Variants in ASH1L observed in about 807,000 individuals in gnomAD.
ASH1L encodes the protein histone-lysine N-methyltransferase ASH1L.
Under a neutral mutation model 269.0 loss-of-function variants are expected in ASH1L, and 23 were observed. The ratio of observed to expected loss-of-function variants is 0.09; its 90% CI spans 0.06 to 0.12. ASH1L has a LOEUF of 0.12. ASH1L is among the 10% of genes least tolerant of loss of function. The probability of loss-of-function intolerance (pLI) is 1.00; values close to 1 mark genes in which losing one functional copy is unlikely to be tolerated. For synonymous variants in ASH1L, 1,187 were observed against 1,253.5 expected (o/e 0.95, Z 1.12); for missense variants, 2,912 against 3,567.8 (o/e 0.82, Z 4.68).
chr1:155,543,691 G>T (rs1415378176), intron 1 of ASH1L, among the ~76,000 whole-genome samples: 2 of 151,924 alleles, frequency 1.3e-5, no homozygotes, highest in African/African-American at 4.8e-5. Flanking sequence ...CAGCACTCTG[G>T]GAGGCTGAGG....
chr1:155,438,329 T>C lies in ASH1L; in HGVS notation c.5826A>G (p.Lys1942=). 1 of 1,545,156 alleles carries C rather than the reference T, an allele frequency of 6.5e-7. No homozygotes were observed. The highest frequency in any genetic ancestry group is 8.7e-7 in the Non-Finnish European group (1 of 1,151,090). ...LPEEEEQENN[K]SFNEAPVEIP... ...TAATATGTTAAATGAGGAATTACCT[T>C]TTATTATTCTCTTGCTCTTCTTCCT... The change falls in exon 5 of 28, where the codon AAA becomes AAG. Residue 1942 remains lysine, a splice_region_variant and synonymous_variant. Transcript: ENST00000392403.
intron 7 of ASH1L, among the ~76,000 whole-genome samples, chr1:155,381,496 GC>G (rs1656939412): frequency 6.7e-6 from 1 of 149,508 alleles, no homozygotes; most frequent in African/African-American, 2.5e-5. Flanking sequence ...GTTGCAGTGA[GC>G]CAAGATTGCA....
intron 1 of ASH1L, among the ~76,000 whole-genome samples, chr1:155,552,358 C>A (rs1571144377): frequency 6.6e-6 from 1 of 151,838 alleles, no homozygotes; most frequent in Non-Finnish European, 1.5e-5. Flanking sequence ...TCCAGCTACT[C>A]GGGAGGCTGA....
At position 155,480,094 on chromosome 1, in the gene ASH1L, T is replaced by C. The variant is rs1665848484; in HGVS notation, c.2776A>G (p.Ser926Gly). ...TCACTGCTACTTCTATGGTTGTCAC[T>C]TTCAGATTCTAGCTTGCTTGGACTT... Reference protein sequence around the residue: ...TESPSKLESESDNHRSSSDFF... With the variant: ...TESPSKLESEGDNHRSSSDFF... The change falls in exon 3 of 28, where the codon AGT (serine) becomes GGT (glycine). Residue 926 changes from serine (S) to glycine (G), a missense_variant. By Grantham distance (56) the Ser-to-Gly change is moderately conservative. Around this residue, in one of 13 missense-constraint regions of ASH1L, gnomAD observed 715 missense variants for 721.0 expected, o/e 0.99. Transcript: ENST00000392403. 2 of 1,614,050 alleles carry C rather than the reference T, an allele frequency of 1.2e-6. No homozygotes were observed. The highest frequency in any genetic ancestry group is 1.7e-6 in the Non-Finnish European group (2 of 1,180,034).
intron 7 of ASH1L, among the ~76,000 whole-genome samples, chr1:155,385,774 G>T (rs1347890267): frequency 6.6e-6 from 1 of 152,194 alleles, no homozygotes; most frequent in Non-Finnish European, 1.5e-5. Flanking sequence ...AAGGGATAAA[G>T]CTGCCTCATT....
At position 155,338,339 on chromosome 1, in the gene ASH1L, C is replaced by G. The variant is rs752116216; in HGVS notation, c.8553G>C (p.Gln2851His). Reference protein sequence around the residue: ...RSKPPLKDLGQEDDALPLIEE... With the variant: ...RSKPPLKDLGHEDDALPLIEE... ...CAATCAAGGGTAGAGCATCATCCTC[C>G]TGGCCCAAGTCTTTTAGGGGTGGCT... Residue 2851 changes from glutamine (Q) to histidine (H), a missense_variant, in exon 27 of 28, where the codon CAG (glutamine) becomes CAC (histidine). This residue lies in a region of ASH1L where 154 missense variants were observed against 165.0 expected (regional missense o/e 0.93). Coordinates refer to ENST00000392403, the MANE Select transcript of ASH1L (RefSeq NM_018489.3). 1.2e-6 allele frequency: 2 copies of G among 1,614,108 alleles called. No homozygotes were observed. Among genetic ancestry groups the G allele is most frequent in the Non-Finnish European group, 1.7e-6 (2 of 1,180,026 alleles).
At chr1:155,397,700 A>C (rs1279908727) in intron 6 of ASH1L, among the ~76,000 whole-genome samples, 1 of 152,000 alleles carries the variant, frequency 6.6e-6, no homozygotes, top group Non-Finnish European at 1.5e-5. Context: ...ACAGATGCCA[A>C]CTACTGGGAT....
chr1:155,360,533 T>G, intron 12 of ASH1L, 124 bp from the exon 13 acceptor site: 1 of 593,488 alleles, frequency 1.7e-6, no homozygotes, highest in Non-Finnish European at 3.0e-6. Context: ...AACCTCCGCT[T>G]CCCGGATTCA....
intron 20 of ASH1L, among the ~76,000 whole-genome samples, chr1:155,347,301 AG>A (rs1653437337): frequency 1.3e-5 from 2 of 151,996 alleles, no homozygotes; most frequent in South Asian, 4.2e-4. Context: ...CAGCTACTCG[AG>A]AGGCTGAGGT....
At chr1:155,556,428 GTGTGT>G (rs1225445038) in intron 1 of ASH1L, among the ~76,000 whole-genome samples, 1 of 151,516 alleles carries the variant, frequency 6.6e-6, no homozygotes, top group East Asian at 1.9e-4. Flanking sequence ...GTGTGTGTGT[GTGTGT>G]GTGTGTATGT....
chr1:155,451,723 AAAAAG>A (rs869276756), intron 4 of ASH1L, among the ~76,000 whole-genome samples: 19 of 152,008 alleles, frequency 1.2e-4, no homozygotes, highest in South Asian at 4.2e-4. Flanking sequence ...TCTGAAAAAA[AAAAAG>A]AAAAGAAAAG....
In ASH1L at chr1:155,479,688, C is replaced by T. The variant is rs1665817304; in HGVS notation, c.3182G>A (p.Gly1061Asp). 1 of 1,614,078 alleles carries T rather than the reference C, an allele frequency of 6.2e-7. No individual in the cohort carries two copies. The highest frequency in any genetic ancestry group is 1.7e-5 in the Admixed American group (1 of 60,004). ...GCTAGTAGGACTACCAGAAAGAATA[C>T]CATTTAAGACAGTTTTTGGTTTGCG... is the stretch of plus-strand genomic sequence containing the variant. ...RGRKPKTVLN[G>D]ILSGSPTSLA... The change falls in exon 3 of 28, where the codon GGT (glycine) becomes GAT (aspartate). Residue 1061 changes from glycine to aspartate, a missense_variant. Around this residue, in one of 13 missense-constraint regions of ASH1L, gnomAD observed 13 missense variants for 38.5 expected, o/e 0.34. Coordinates refer to ENST00000392403, the MANE Select transcript of ASH1L (RefSeq NM_018489.3).
In ASH1L at chr1:155,498,930, A is replaced by G. The variant is rs1273885222; in HGVS notation, c.421-16481T>C. Among the ~76,000 whole-genome samples, 4 of 152,004 alleles carry G rather than the reference A, an allele frequency of 2.6e-5. No individual in the cohort carries two copies. In the East Asian group the frequency reaches 5.8e-4, roughly 22 times the overall value. On this transcript the variant is annotated intron_variant, in intron 2 of 27. Coordinates refer to ENST00000392403, the MANE Select transcript of ASH1L (RefSeq NM_018489.3). The stretch of plus-strand genomic sequence containing the variant: ...TGAGAACAGGAGTAAAAAAAAAAAA[A>G]AAAAGCCAAAAAGAAATATTAAAGA...
At position 155,338,134 on chromosome 1, in the gene ASH1L, T is replaced by C. The variant is rs1652469418; in HGVS notation, c.8758A>G (p.Asn2920Asp). ...TCAAGGAGATTGAGCAAGATCTGGT[T>C]GAGTCGTTCCCGTTGGTTATGCCGT... ...ERRHNQRERL[N>D]QILLNLLEKI... is the part of the protein sequence containing the mutation. Residue 2920 changes from asparagine (N) to aspartate (D), a missense_variant, in exon 27 of 28, where the codon AAC becomes GAC. This residue lies in a region of ASH1L where 154 missense variants were observed against 165.0 expected (regional missense o/e 0.93). Transcript: ENST00000392403. 4 of 1,614,200 alleles carry C rather than the reference T, an allele frequency of 2.5e-6. No individual in the cohort carries two copies. The highest frequency in any genetic ancestry group is 3.4e-6 in the Non-Finnish European group (4 of 1,180,036).
chr1:155,336,126 C>G lies in ASH1L; in HGVS notation c.*1534G>C, dbSNP rs1374644521. ...CAAGGGGATCATTGGCATCCCCTCT[C>G]TCTTTTGTTTTTTCCTCAAGAATGA... On this transcript the variant is annotated 3_prime_UTR_variant, in exon 28 of 28. Coordinates refer to ENST00000392403, the MANE Select transcript of ASH1L (RefSeq NM_018489.3). 1 of 152,424 alleles carries G rather than the reference C, an allele frequency of 6.6e-6. No individual in the cohort carries two copies. Among genetic ancestry groups the G allele is most frequent in the African/African-American group, 2.4e-5 (1 of 41,316 alleles). The allele number at this position is 152,424 out of a possible 1,614,324, so 9.4% of individuals were successfully genotyped here.
intron 1 of ASH1L, among the ~76,000 whole-genome samples, chr1:155,528,724 T>C (rs1669442560): frequency 6.6e-6 from 1 of 152,182 alleles, no homozygotes; most frequent in Admixed American, 6.5e-5. Context: ...TTAACTTTTA[T>C]TCTAAGTTCA....
intron 3 of ASH1L, among the ~76,000 whole-genome samples, chr1:155,460,770 T>C (rs1249138691): frequency 6.6e-6 from 1 of 152,214 alleles, no homozygotes; most frequent in Non-Finnish European, 1.5e-5. Flanking sequence ...GCTGTACACT[T>C]AAGGATCCTT....
In ASH1L at chr1:155,562,760, C is replaced by T. The variant is rs1288383473; in HGVS notation, c.-707G>A. ...TCAGGCCCTGTCAAGCCGGCGCCGG[C>T]GCAGGCCCTCACGCGTACCTTCAAC... On this transcript the variant is annotated 5_prime_UTR_variant, in exon 1 of 28. Coordinates refer to ENST00000392403, the MANE Select transcript of ASH1L (RefSeq NM_018489.3). The T allele has an allele frequency of 9.6e-7, 1 of 1,039,744 alleles. No individual in the cohort carries two copies. Among genetic ancestry groups the T allele is most frequent in the Non-Finnish European group, 1.4e-6 (1 of 705,122 alleles). 64.4% of individuals were successfully genotyped at this position (1,039,744 alleles called of 1,614,324 possible).
intron 2 of ASH1L, among the ~76,000 whole-genome samples, chr1:155,506,286 C>G (rs1023353801): frequency 2.0e-5 from 3 of 152,040 alleles, no homozygotes; most frequent in Non-Finnish European, 4.4e-5. Context: ...AATTTTTTTC[C>G]AACAACTCTA....
Sources: gnomAD v4.1 joint callset for allele counts (sites outside exome capture counted in the v4.1 genomes callset) on GRCh38, gnomAD v4.1.1 for gene constraint, gnomAD v4.1.1 regional missense constraint, MANE v1.5 for transcripts, NCBI Gene and HGNC (gene_info 2026-07-23, HGNC 2026-07-21) for gene names.